The following ZDBF2 variants were observed in gnomAD, a reference collection of about 807,000 sequenced individuals.
ZDBF2 encodes the protein DBF4-type zinc finger-containing protein 2.
ZDBF2 carries 6 observed loss-of-function variants against 9.4 expected under a neutral mutation model. That is an observed-to-expected ratio of 0.64 (90% CI 0.35 to 1.27). The LOEUF is 1.27. Among genes scored for constraint, ZDBF2 ranks in the 50% most tolerant of loss-of-function variants. ZDBF2 has a pLI of 0.03. For synonymous variants in ZDBF2, 905 were observed against 946.3 expected (o/e 0.96, Z 0.80); for missense variants, 2,697 against 2,766.8 (o/e 0.97, Z 0.57).
At position 206,308,089 on chromosome 2, in the gene ZDBF2, A is replaced by G. The variant is rs1692919393; in HGVS notation, c.3561A>G (p.Leu1187=). The G allele has an allele frequency of 6.2e-7, 1 of 1,614,008 alleles. No individual in the cohort carries two copies. Among genetic ancestry groups the G allele is most frequent in the African/African-American group, 1.3e-5 (1 of 75,068 alleles). The part of the protein sequence containing the change: ...ITILEQEHIE[L]EGKHNQCCGS... Reference sequence around the variant, plus strand: ...TTTTGGAGCAGGAGCACATTGAACTAGAAGGTAAGCACAATCAATGTTGTG... The same window carrying G: ...TTTTGGAGCAGGAGCACATTGAACTGGAAGGTAAGCACAATCAATGTTGTG... The change falls in exon 5 of 5, where the codon CTA becomes CTG. Residue 1187 remains leucine (L), a synonymous_variant. Transcript: ENST00000374423.
chr2:206,289,803 A>G (rs1226676308), intron 3 of ZDBF2, among the ~76,000 whole-genome samples: 1 of 151,968 alleles, frequency 6.6e-6, no homozygotes, highest in Non-Finnish European at 1.5e-5. Context: ...CCAAGGTGTT[A>G]ATGGGGGTTG....
In ZDBF2 at chr2:206,297,338, A is replaced by G. The variant is rs1692239550; in HGVS notation, c.153A>G (p.Val51=). Reference sequence around the variant, plus strand: ...TGATGGAACGTTTCTTACAGGATGTACTGCAGCACCACCCATATCATTGTC... The same window carrying G: ...TGATGGAACGTTTCTTACAGGATGTGCTGCAGCACCACCCATATCATTGTC... ...SSLMERFLQD[V]LQHHPYHCQE... Residue 51 remains valine (V), a synonymous_variant, in exon 4 of 5, where the codon GTA becomes GTG. Transcript: ENST00000374423. 3 of 1,613,704 alleles carry G rather than the reference A, an allele frequency of 1.9e-6. No homozygotes were observed. The South Asian group carries it at 3.3e-5, about 18-fold the overall frequency.
chr2:206,311,486 T>G lies in ZDBF2; in HGVS notation c.6958T>G (p.Ser2320Ala). Residue 2320 changes from serine (S) to alanine (A), a missense_variant, in exon 5 of 5, where the codon TCT becomes GCT. Ser to Ala is a moderately conservative substitution (Grantham distance 99). Coordinates refer to ENST00000374423, the MANE Select transcript of ZDBF2 (RefSeq NM_020923.3). ...CTACCATGGCCGACAGAAAGGTCCT[T>G]CTACACCTGTGAGAGCATATGATCT... is the stretch of plus-strand genomic sequence containing the variant. ...ESYHGRQKGP[S>A]TPVRAYDLRS... 1 of 1,608,936 alleles carries G rather than the reference T, an allele frequency of 6.2e-7. No individual in the cohort carries two copies. Among genetic ancestry groups the G allele is most frequent in the Non-Finnish European group, 8.5e-7 (1 of 1,178,530 alleles).
At chr2:206,284,889 T>G (rs1691521514) in intron 3 of ZDBF2, among the ~76,000 whole-genome samples, 1 of 152,092 alleles carries the variant, frequency 6.6e-6, no homozygotes, top group Non-Finnish European at 1.5e-5. Flanking sequence ...CCAACACACC[T>G]GGCTGATTTT....
At chr2:206,301,722 A>G (rs147721685) in intron 4 of ZDBF2, among the ~76,000 whole-genome samples, 360 of 152,022 alleles carry the variant, frequency 2.4e-3, no homozygotes, top group African/African-American at 8.2e-3. Context: ...AAATTTTTCT[A>G]TTTTAGCTCT....
At chr2:206,282,553 T>C (rs1691380064) in intron 3 of ZDBF2, among the ~76,000 whole-genome samples, 1 of 152,130 alleles carries the variant, frequency 6.6e-6, no homozygotes, top group African/African-American at 2.4e-5. Context: ...CTTTAAGACA[T>C]TGTAGGCTAA....
At chr2:206,301,602 A>G (rs1310551965) in intron 4 of ZDBF2, among the ~76,000 whole-genome samples, 1 of 152,110 alleles carries the variant, frequency 6.6e-6, no homozygotes, top group Non-Finnish European at 1.5e-5. Context: ...TTTAAAAAAA[A>G]TCCCATGCCA....
In ZDBF2 at chr2:206,310,200, A is replaced by C; in HGVS notation, c.5672A>C (p.Gln1891Pro). 6.2e-7 allele frequency: 1 copy of C among 1,614,010 alleles called. No homozygotes were observed. Among genetic ancestry groups the C allele is most frequent in the South Asian group, 1.1e-5 (1 of 91,082 alleles). Reference sequence around the variant, plus strand: ...GGTAAGGAGGACACTGCACCAACTCAAGCTGTGTCAGAGAGTGATGATATT... The same window carrying C: ...GGTAAGGAGGACACTGCACCAACTCCAGCTGTGTCAGAGAGTGATGATATT... ...LQGKEDTAPT[Q>P]AVSESDDIVC... Residue 1891 changes from glutamine (Q) to proline (P), a missense_variant, in exon 5 of 5, where the codon CAA becomes CCA. By Grantham distance (76) the Gln-to-Pro change is moderately conservative. Transcript: ENST00000374423.
At chr2:206,283,032 A>T (rs1418901004) in intron 3 of ZDBF2, among the ~76,000 whole-genome samples, 1 of 152,228 alleles carries the variant, frequency 6.6e-6, no homozygotes, top group Non-Finnish European at 1.5e-5. Context: ...CCAGGCTGTA[A>T]CATGCATCAC....
rs923140157 is a variant in ZDBF2 at position 206,310,895 on chromosome 2, A to G, written c.6367A>G (p.Ser2123Gly). 2.5e-6 allele frequency: 4 copies of G among 1,613,846 alleles called. No homozygotes were observed. The Admixed American group carries it at 6.7e-5, about 27-fold the overall frequency. The part of the protein sequence containing the change: ...RYGFNSHQGT[S>G]DSSLFLEESK... ...TGGATTTAATTCACATCAGGGAACC[A>G]GTGACTCTTCTCTGTTTCTGGAAGA... is the stretch of plus-strand genomic sequence containing the variant. Residue 2123 changes from serine to glycine, a missense_variant, in exon 5 of 5, where the codon AGT becomes GGT. This residue lies in a region of ZDBF2 where 1,783 missense variants were observed against 1,776.5 expected (regional missense o/e 1.00). Transcript: ENST00000374423.
rs1187466508 is a variant in ZDBF2, at chr2:206,306,033, CTCA to C, written c.1506_1508del (p.Gln503del). 4 of 1,613,532 alleles carry C rather than the reference CTCA, an allele frequency of 2.5e-6. No individual in the cohort carries two copies. The highest frequency in any genetic ancestry group is 3.4e-6 in the Non-Finnish European group (4 of 1,179,712). On this transcript the variant is annotated inframe_deletion, in exon 5 of 5. Transcript: ENST00000374423. Reference sequence around the variant, plus strand: ...ACGAATTTTGATTGTGATGCTTCACCTCAGTCCACTAGTGACTACCCCCAACAA... The same window carrying C: ...ACGAATTTTGATTGTGATGCTTCACCGTCCACTAGTGACTACCCCCAACAA...
rs1380531483 is a variant in ZDBF2, at chr2:206,306,053, C to G, written c.1525C>G (p.Pro509Ala). 6.2e-7 allele frequency: 1 copy of G among 1,613,552 alleles called. No homozygotes were observed. Among genetic ancestry groups the G allele is most frequent in the Admixed American group, 1.7e-5 (1 of 59,986 alleles). The change falls in exon 5 of 5, where the codon CCC becomes GCC. Residue 509 changes from proline (P) to alanine (A), a missense_variant. This residue lies in a region of ZDBF2 where 910 missense variants were observed against 973.6 expected (regional missense o/e 0.93). Coordinates refer to ENST00000374423, the MANE Select transcript of ZDBF2 (RefSeq NM_020923.3). ...TTCACCTCAGTCCACTAGTGACTAC[C>G]CCCAACAATCTGTAACAGAAGTAAA... ...DASPQSTSDY[P>A]QQSVTEVNLP...
intron 1 of ZDBF2, among the ~76,000 whole-genome samples, chr2:206,277,108 A>G (rs1691051691): frequency 1.3e-5 from 2 of 152,088 alleles, no homozygotes. Flanking sequence ...TATTTTTCAA[A>G]TTAAGTTGAT....
At chr2:206,276,563 A>G (rs1691014593) in intron 1 of ZDBF2, among the ~76,000 whole-genome samples, 1 of 152,222 alleles carries the variant, frequency 6.6e-6, no homozygotes, top group Admixed American at 6.5e-5. Context: ...TATTCCTAAA[A>G]ATACAGAGAG....
rs375904600 is a variant in ZDBF2 at position 206,307,756 on chromosome 2, T to C, written c.3228T>C (p.Gly1076=). ...VNLKDKNSKS[G]DSKITFDSEQ... is the part of the protein sequence containing the mutation. ...TGAAGGACAAAAACAGTAAATCAGG[T>C]GATTCTAAAATAACTTTTGATTCTG... Residue 1076 remains glycine, a synonymous_variant, in exon 5 of 5, where the codon GGT becomes GGC. Coordinates refer to ENST00000374423, the MANE Select transcript of ZDBF2 (RefSeq NM_020923.3). 31 of 1,612,242 alleles carry C rather than the reference T, an allele frequency of 1.9e-5. No individual in the cohort carries two copies. The highest frequency in any genetic ancestry group is 4.0e-5 in the African/African-American group (3 of 74,806).
chr2:206,297,901 G>A (rs1692281312), intron 4 of ZDBF2, among the ~76,000 whole-genome samples: 2 of 152,066 alleles, frequency 1.3e-5, no homozygotes, highest in African/African-American at 4.8e-5. Context: ...GGCTGGTCTC[G>A]AATTCCCGAC....
At chr2:206,303,464 A>G (rs1392926259) in intron 4 of ZDBF2, among the ~76,000 whole-genome samples, 2 of 152,288 alleles carry the variant, frequency 1.3e-5, no homozygotes, top group East Asian at 1.9e-4. Flanking sequence ...GGCCATGGCA[A>G]TATCATTAGG....
chr2:206,298,109 A>G (rs1369902277), intron 4 of ZDBF2, among the ~76,000 whole-genome samples: 1 of 152,244 alleles, frequency 6.6e-6, no homozygotes, highest in Non-Finnish European at 1.5e-5. Flanking sequence ...GAGGTAGCCA[A>G]AAGAATTGGG....
intron 4 of ZDBF2, among the ~76,000 whole-genome samples, chr2:206,297,871 A>T (rs1165722813): frequency 6.6e-6 from 1 of 151,980 alleles, no homozygotes; most frequent in Admixed American, 6.6e-5. Flanking sequence ...ATTAGAGTTG[A>T]GGTTTCGCCA....
Sources: allele counts gnomAD v4.1 joint callset (sites outside exome capture counted in the v4.1 genomes callset), GRCh38; gene constraint gnomAD v4.1.1; regional missense constraint gnomAD v4.1.1; transcripts MANE v1.5; gene names NCBI Gene and HGNC (gene_info 2026-07-23, HGNC 2026-07-21).